DIAPH2: variants seen among roughly 807,000 people sequenced by gnomAD.
DIAPH2 encodes the protein protein diaphanous homolog 2.
DIAPH2 carries 35 observed loss-of-function variants against 92.7 expected under a neutral mutation model. That is an observed-to-expected ratio of 0.38 (90% CI 0.29 to 0.50). The LOEUF is 0.50. DIAPH2 is among the 20% of genes least tolerant of loss of function. The pLI is 0.94. For synonymous variants in DIAPH2, 301 were observed against 280.4 expected, an observed-to-expected ratio of 1.07 and a Z score of -0.73; for missense variants, 701 against 819.5, an observed-to-expected ratio of 0.86 and a Z score of 1.77.
chrX:97,092,700 G>T (rs1378764985), intron 19 of DIAPH2, among the ~76,000 whole-genome samples: 1 of 111,782 alleles, frequency 8.9e-6, no homozygotes, highest in Admixed American at 9.5e-5. Context: ...ATTTGGTGCT[G>T]TAATGATAGG....
At chrX:97,309,556 C>T (rs886605774) in intron 23 of DIAPH2, among the ~76,000 whole-genome samples, 1 of 111,846 alleles carries the variant, frequency 8.9e-6, no homozygotes, top group Non-Finnish European at 1.9e-5. Flanking sequence ...TGTAGTTACA[C>T]TTTTAAAATA....
chrX:97,377,300 C>G (rs902411011), intron 24 of DIAPH2, among the ~76,000 whole-genome samples: 2 of 112,306 alleles, frequency 1.8e-5, no homozygotes, highest in African/African-American at 6.5e-5. Flanking sequence ...AACATAGTCA[C>G]TTATTATCAG....
chrX:97,271,357 T>A (rs1393856399), intron 23 of DIAPH2, among the ~76,000 whole-genome samples: 1 of 112,371 alleles, frequency 8.9e-6, no homozygotes, highest in African/African-American at 3.2e-5. Flanking sequence ...ACAAATACAA[T>A]TTTACTTTGC....
At chrX:96,808,410 A>AG (rs1306182984) in intron 4 of DIAPH2, among the ~76,000 whole-genome samples, 2 of 111,909 alleles carry the variant, frequency 1.8e-5, no homozygotes, top group East Asian at 5.6e-4. Flanking sequence ...CAGAAGTAAA[A>AG]TTTTTGTGCA....
intron 24 of DIAPH2, among the ~76,000 whole-genome samples, chrX:97,369,969 C>T (rs1417130228): frequency 9.0e-6 from 1 of 111,290 alleles, no homozygotes; most frequent in Non-Finnish European, 1.9e-5. Flanking sequence ...TAAGACAGTG[C>T]TCTAGGTGGG....
intron 22 of DIAPH2, among the ~76,000 whole-genome samples, chrX:97,165,900 C>T (rs1292875903): frequency 9.3e-6 from 1 of 107,390 alleles, no homozygotes; most frequent in Non-Finnish European, 1.9e-5. Context: ...GTCTTCTCTA[C>T]TCTCTCTCTC....
At chrX:97,048,608 A>T (rs1289113627) in intron 17 of DIAPH2, among the ~76,000 whole-genome samples, 3 of 111,196 alleles carry the variant, frequency 2.7e-5, no homozygotes, top group Non-Finnish European at 5.7e-5. Context: ...CCTCATCAAA[A>T]TGTTCCCCTA....
At position 96,953,066 on chromosome X, in the gene DIAPH2, C is replaced by G. The variant is rs185334471; in HGVS notation, c.1614+4027C>G. 1.1e-3 allele frequency among the ~76,000 whole-genome samples: 127 copies of G among 111,081 alleles called. 2 individuals carry two copies. The highest frequency in any genetic ancestry group is 3.7e-3 in the African/African-American group (114 of 30,561). ...TCCTAGAGGTCAAGGCTGCAATGCA[C>G]TATGATTTTGCCACTGTACTCCAGC... On this transcript the variant is annotated intron_variant, in intron 15 of 26. Transcript: ENST00000324765.
chrX:96,966,586 G>A (rs1358263436), intron 17 of DIAPH2, among the ~76,000 whole-genome samples: 1 of 111,809 alleles, frequency 8.9e-6, no homozygotes, highest in Admixed American at 9.5e-5. Flanking sequence ...TGTGCCTAAA[G>A]ATTATTCTGT....
At position 96,939,504 on chromosome X, in the gene DIAPH2, A is replaced by ATG. The variant is rs763615393; in HGVS notation, c.1325+123_1325+124insGT. The ATG allele has an allele frequency of 6.2e-4, 45 of 72,535 alleles. No individual in the cohort carries two copies. The South Asian group carries it at 0.015, about 24-fold the overall frequency. The allele number at this position is 72,535 out of a possible 1,213,427, so 6.0% of individuals were successfully genotyped here. Reference sequence around the variant, plus strand: ...TGTGTGTATGTATATATATATGTATATATATATGTATGTATATATATATAT... The same window carrying ATG: ...TGTGTGTATGTATATATATATGTATATGTATATATGTATGTATATATATATAT... On this transcript the variant is annotated intron_variant, in intron 12 of 26. Transcript: ENST00000324765.
intron 26 of DIAPH2, among the ~76,000 whole-genome samples, chrX:97,576,958 T>C (rs965044690): frequency 1.8e-5 from 2 of 111,822 alleles, no homozygotes; most frequent in African/African-American, 6.5e-5. Context: ...ATAGGGCATC[T>C]CAGAATAAGA....
intron 26 of DIAPH2, among the ~76,000 whole-genome samples, chrX:97,493,783 G>T (rs1271646228): frequency 9.1e-6 from 1 of 109,348 alleles, no homozygotes; most frequent in African/African-American, 3.3e-5. Flanking sequence ...CTACTGGGGA[G>T]GCTGAGGCAG....
At chrX:97,501,019 T>G (rs1336410729) in intron 26 of DIAPH2, among the ~76,000 whole-genome samples, 1 of 109,191 alleles carries the variant, frequency 9.2e-6, no homozygotes, top group Non-Finnish European at 1.9e-5. Flanking sequence ...TAGTCCGTTG[T>G]TGTCTAAAAT....
chrX:96,729,735 TTTTC>T (rs757731569), intron 1 of DIAPH2, among the ~76,000 whole-genome samples: 4 of 112,503 alleles, frequency 3.6e-5, no homozygotes, highest in African/African-American at 1.3e-4. Flanking sequence ...AAAAGGATTT[TTTTC>T]TTGTCATAAA....
At chrX:97,423,526 C>T (rs189923419) in intron 25 of DIAPH2, among the ~76,000 whole-genome samples, 294 of 111,770 alleles carry the variant, frequency 2.6e-3, no homozygotes, top group African/African-American at 6.8e-3. Context: ...AAGCAGCAGG[C>T]ATTCGGCATC....
intron 17 of DIAPH2, among the ~76,000 whole-genome samples, chrX:96,991,243 T>C (rs2066067986): frequency 9.1e-6 from 1 of 110,107 alleles, no homozygotes; most frequent in Non-Finnish European, 1.9e-5. Context: ...GCCTCCCAAG[T>C]AGCTGGGATT....
At chrX:96,894,340 G>C (rs2065328283) in intron 5 of DIAPH2, among the ~76,000 whole-genome samples, 1 of 109,819 alleles carries the variant, frequency 9.1e-6, no homozygotes, top group South Asian at 4.0e-4. Context: ...TCTTAAATTG[G>C]TACGTTCAAC....
intron 22 of DIAPH2, among the ~76,000 whole-genome samples, chrX:97,188,570 T>G (rs142583218): frequency 8.9e-6 from 1 of 112,198 alleles, no homozygotes; most frequent in East Asian, 2.8e-4. Context: ...TAGAAGTTTG[T>G]TATATTGTTT....
intron 4 of DIAPH2, among the ~76,000 whole-genome samples, chrX:96,877,972 A>G (rs1382576867): frequency 8.9e-6 from 1 of 112,011 alleles, no homozygotes; most frequent in Non-Finnish European, 1.9e-5. Flanking sequence ...TAAAGATCAA[A>G]TGGGCACAGT....
Sources: allele counts gnomAD v4.1 joint callset (sites outside exome capture counted in the v4.1 genomes callset), GRCh38; gene constraint gnomAD v4.1.1; transcripts MANE v1.5; gene names NCBI Gene and HGNC (gene_info 2026-07-23, HGNC 2026-07-21).